The following FMN1 variants were observed in gnomAD, a reference collection of about 807,000 sequenced individuals.
FMN1 encodes the protein formin 1.
A neutral mutation model predicts 132.4 loss-of-function variants in FMN1; 110 were observed. The ratio of observed to expected loss-of-function variants is 0.83; its 90% CI spans 0.71 to 0.97. The LOEUF is 0.97. Ranked by LOEUF, FMN1 falls within the 50% of genes least tolerant of loss-of-function variation. The pLI is 0.00. For missense variants in FMN1, 1,792 were observed against 1,705.3 expected, an observed-to-expected ratio of 1.05 and a Z score of -0.90; for synonymous variants, 722 against 651.7, an observed-to-expected ratio of 1.11 and a Z score of -1.64.
intron 2 of FMN1, among the ~76,000 whole-genome samples, chr15:33,185,070 G>A (rs891715815): frequency 2.6e-5 from 4 of 152,136 alleles, no homozygotes; most frequent in African/African-American, 9.7e-5. Context: ...CAAACTAAGT[G>A]GATTTCCTTG....
At chr15:33,099,293 A>G (rs562184055) in intron 4 of FMN1, among the ~76,000 whole-genome samples, 5 of 152,128 alleles carry the variant, frequency 3.3e-5, no homozygotes, top group Middle Eastern at 3.4e-3. Flanking sequence ...CCTGTCTCAA[A>G]TAAGTCAATC....
chr15:32,925,348 G>C (rs1039067243), intron 10 of FMN1, among the ~76,000 whole-genome samples: 10 of 152,168 alleles, frequency 6.6e-5, no homozygotes, highest in African/African-American at 2.4e-4. Flanking sequence ...CTTCTTGATA[G>C]AAAACATAAT....
At chr15:32,975,388 T>A (rs2032121760) in intron 7 of FMN1, among the ~76,000 whole-genome samples, 2 of 152,192 alleles carry the variant, frequency 1.3e-5, no homozygotes, top group South Asian at 2.1e-4. Context: ...TATTAAGACT[T>A]CTTCATGCCT....
At chr15:33,161,913 G>A (rs1480691260) in intron 3 of FMN1, among the ~76,000 whole-genome samples, 3 of 124,592 alleles carry the variant, frequency 2.4e-5, no homozygotes, top group South Asian at 2.7e-4. Context: ...GCAAGACTCC[G>A]TCTCAAAAAA....
chr15:32,948,196 C>T (rs1014296266), intron 9 of FMN1, among the ~76,000 whole-genome samples: 1 of 151,776 alleles, frequency 6.6e-6, no homozygotes, highest in Non-Finnish European at 1.5e-5. Flanking sequence ...ATATAGTTCC[C>T]CCTTTAATCT....
At chr15:32,849,533 GGATAGTCATTAGAAACC>G (rs1175285021) in intron 17 of FMN1, among the ~76,000 whole-genome samples, 1 of 151,920 alleles carries the variant, frequency 6.6e-6, no homozygotes, top group Non-Finnish European at 1.5e-5. Flanking sequence ...CTCCATTACT[GGATAGTCATTAGAAACC>G]GACTTCGGGG....
chr15:33,110,556 A>G (rs1161274157), intron 4 of FMN1, among the ~76,000 whole-genome samples: 1 of 152,032 alleles, frequency 6.6e-6, no homozygotes, highest in Non-Finnish European at 1.5e-5. Context: ...AACCAAGGAG[A>G]GCATTTTTTG....
chr15:33,093,718 G>A (rs541124402), intron 4 of FMN1, among the ~76,000 whole-genome samples: 1 of 152,190 alleles, frequency 6.6e-6, no homozygotes, highest in South Asian at 2.1e-4. Flanking sequence ...AAGATGGACA[G>A]GCGGAAGGTG....
intron 18 of FMN1, among the ~76,000 whole-genome samples, chr15:32,802,176 A>C (rs573960371): frequency 6.6e-6 from 1 of 152,216 alleles, no homozygotes; most frequent in Non-Finnish European, 1.5e-5. Flanking sequence ...CATTTCATGC[A>C]AACTAGTCCC....
intron 9 of FMN1, among the ~76,000 whole-genome samples, chr15:32,927,218 AAAC>A (rs2060983825): frequency 6.6e-6 from 1 of 152,290 alleles, no homozygotes; most frequent in Non-Finnish European, 1.5e-5. Context: ...TTATTAATAT[AAAC>A]AATATAATAC....
At chr15:33,048,644 A>AAAAAAACAAAAACAAAAAC in intron 6 of FMN1, among the ~76,000 whole-genome samples, 2 of 86,920 alleles carry the variant, frequency 2.3e-5, no homozygotes, top group Admixed American at 3.2e-4. Context: ...AAAAAAAAAA[A>AAAAAAACAAAAACAAAAAC]AAAAACCAAC....
At chr15:32,977,860 ATTC>A (rs2032335033) in intron 7 of FMN1, among the ~76,000 whole-genome samples, 1 of 151,488 alleles carries the variant, frequency 6.6e-6, no homozygotes, top group African/African-American at 2.4e-5. Context: ...AGATACAATT[ATTC>A]TTTTTTTTTT....
intron 4 of FMN1, among the ~76,000 whole-genome samples, chr15:33,110,736 G>A (rs766683857): frequency 6.6e-6 from 1 of 151,488 alleles, no homozygotes; most frequent in Non-Finnish European, 1.5e-5. Context: ...ATTTAAAAAT[G>A]CAATATTAAA....
chr15:33,086,274 C>G (rs1438703925), intron 5 of FMN1, among the ~76,000 whole-genome samples: 2 of 137,394 alleles, frequency 1.5e-5, no homozygotes, highest in Non-Finnish European at 3.2e-5. Context: ...AAAAAAAAAG[C>G]AAAAACAAGA....
chr15:33,160,077 T>C (rs952681642), intron 3 of FMN1, among the ~76,000 whole-genome samples: 4 of 152,110 alleles, frequency 2.6e-5, no homozygotes, highest in Non-Finnish European at 5.9e-5. Flanking sequence ...GGAAAGATTA[T>C]GGAGAAGGAT....
At chr15:32,898,710 C>T (rs957791799) in intron 15 of FMN1, 124 bp downstream of exon 15, 38 of 647,000 alleles carry the variant, frequency 5.9e-5, no homozygotes, top group Admixed American at 2.8e-4. Context: ...CTGTAAACCA[C>T]GCTGGAGAGC....
intron 16 of FMN1, among the ~76,000 whole-genome samples, chr15:32,864,907 A>G (rs900217484): frequency 2.6e-5 from 4 of 152,244 alleles, no homozygotes; most frequent in Non-Finnish European, 5.9e-5. Context: ...TATACACAGA[A>G]TGAAATATTT....
intron 17 of FMN1, among the ~76,000 whole-genome samples, chr15:32,847,276 G>A (rs1384270310): frequency 2.1e-5 from 2 of 95,228 alleles, no homozygotes; most frequent in Non-Finnish European, 4.7e-5. Context: ...ATGTAGGGGT[G>A]TGTGTGTGTG....
At position 32,910,521 on chromosome 15, in the gene FMN1, C is replaced by A; in HGVS notation, c.3241G>T (p.Asp1081Tyr). The change falls in exon 11 of 21, where the codon GAT becomes TAT. Residue 1081 changes from aspartate (D) to tyrosine (Y), a missense_variant. This residue lies in a region of FMN1 where 1,150 missense variants were observed against 1,043.1 expected (regional missense o/e 1.10). Transcript: ENST00000616417. The part of the protein sequence containing the change: ...KDIQQAIFNV[D>Y]DSVVDLETLA... The stretch of plus-strand genomic sequence containing the variant: ...GTCTCCAGATCAACCACGGAGTCAT[C>A]CACATTGAAAATGGCTGCCAAGCAC... 1 of 1,574,300 alleles carries A rather than the reference C, an allele frequency of 6.4e-7. No individual in the cohort carries two copies. The highest frequency in any genetic ancestry group is 8.6e-7 in the Non-Finnish European group (1 of 1,159,190).
Sources: gnomAD v4.1 joint callset for allele counts (sites outside exome capture counted in the v4.1 genomes callset) on GRCh38, gnomAD v4.1.1 for gene constraint, gnomAD v4.1.1 regional missense constraint, MANE v1.5 for transcripts, NCBI Gene and HGNC (gene_info 2026-07-23, HGNC 2026-07-21) for gene names.